Variants in RBM27 observed in about 807,000 individuals in gnomAD.
RBM27 encodes the protein RNA-binding protein 27.
A neutral mutation model predicts 135.3 loss-of-function variants in RBM27; 22 were observed. That is an observed-to-expected ratio of 0.16 (90% CI 0.12 to 0.23). The LOEUF is 0.23. RBM27 is among the 10% of genes least tolerant of loss of function. The probability of loss-of-function intolerance (pLI) is 1.00; values close to 1 mark genes in which losing one functional copy is unlikely to be tolerated. For missense variants in RBM27, 1,009 were observed against 1,281.0 expected (o/e 0.79, Z 3.24); for synonymous variants, 481 against 442.4 (o/e 1.09, Z -1.10).
At chr5:146,276,634 T>C (rs1016721277) in intron 19 of RBM27, among the ~76,000 whole-genome samples, 1 of 152,246 alleles carries the variant, frequency 6.6e-6, no homozygotes, top group Non-Finnish European at 1.5e-5. Flanking sequence ...AATGATACTT[T>C]ATAGTTAGGC....
intron 10 of RBM27, among the ~76,000 whole-genome samples, chr5:146,255,365 T>G (rs1291224786): frequency 6.6e-6 from 1 of 152,222 alleles, no homozygotes; most frequent in African/African-American, 2.4e-5. Context: ...TTAGGCTGTT[T>G]TAGTTTTGTT....
At chr5:146,208,541 A>G (rs1310950112) in intron 1 of RBM27, among the ~76,000 whole-genome samples, 1 of 152,232 alleles carries the variant, frequency 6.6e-6, no homozygotes, top group Non-Finnish European at 1.5e-5. Flanking sequence ...AGCTGCATGA[A>G]TAGACTAGAC....
chr5:146,267,815 A>G, intron 15 of RBM27, 47 bp downstream of exon 15: 1 of 1,577,000 alleles, frequency 6.3e-7, no homozygotes, highest in Non-Finnish European at 8.6e-7. Context: ...AGATGCCTTG[A>G]ATTTTTAAGT....
intron 19 of RBM27, among the ~76,000 whole-genome samples, chr5:146,279,402 G>A (rs958615371): frequency 3.3e-5 from 5 of 151,434 alleles, no homozygotes; most frequent in African/African-American, 4.9e-5. Flanking sequence ...AGCCGAGATC[G>A]CGCCACTGCA....
rs1396872050 is a variant in RBM27, at chr5:146,238,048, T to A, written c.1279+616T>A. On this transcript the variant is annotated intron_variant, in intron 8 of 20. Transcript: ENST00000265271. ...AAGCTTTTTAAAAAAATTGTTTATC[T>A]GATTGATTTTCTAAAGCATAAGATG... is the stretch of plus-strand genomic sequence containing the variant. 2.6e-5 allele frequency among the ~76,000 whole-genome samples: 4 copies of A among 152,302 alleles called. No homozygotes were observed. In the South Asian group the frequency reaches 6.2e-4, roughly 24 times the overall value.
chr5:146,222,302 A>C (rs1404761412), intron 2 of RBM27, among the ~76,000 whole-genome samples: 2 of 152,264 alleles, frequency 1.3e-5, no homozygotes, highest in African/African-American at 2.4e-5. Context: ...TAATCATTGC[A>C]ATGTAAGCAG....
chr5:146,219,087 T>A lies in RBM27; in HGVS notation c.162T>A (p.Asp54Glu), dbSNP rs778047273. ...ELKAFCADQL[D>E]VFLQKETSGF... ...AAGCCTTTTGTGCTGATCAACTTGATGTCTTTTTACAAAAAGGTAATTATT... is the reference window on the plus strand; with the variant it reads ...AAGCCTTTTGTGCTGATCAACTTGAAGTCTTTTTACAAAAAGGTAATTATT... The change falls in exon 2 of 21, where the codon GAT (aspartate) becomes GAA (glutamate). Residue 54 changes from aspartate (D) to glutamate (E), a missense_variant. Physicochemically the swap from Asp to Glu is conservative, Grantham distance 45. This residue lies in a region of RBM27 where 268 missense variants were observed against 326.6 expected (regional missense o/e 0.82). Transcript: ENST00000265271. 7 of 1,605,844 alleles carry A rather than the reference T, an allele frequency of 4.4e-6. No homozygotes were observed. In the Admixed American group the frequency reaches 1.2e-4, roughly 27 times the overall value.
intron 3 of RBM27, among the ~76,000 whole-genome samples, chr5:146,224,255 A>G (rs987892953): frequency 6.6e-6 from 1 of 152,246 alleles, no homozygotes; most frequent in Non-Finnish European, 1.5e-5. Flanking sequence ...GTATATATAT[A>G]TATAGTTTCT....
chr5:146,284,469 C>CT (rs1421710661), intron 19 of RBM27, among the ~76,000 whole-genome samples, 153 bp from the exon 20 acceptor site: 1 of 152,046 alleles, frequency 6.6e-6, no homozygotes, highest in East Asian at 1.9e-4. Flanking sequence ...TTAAAAGGGA[C>CT]TTTATTTTTT....
intron 6 of RBM27, among the ~76,000 whole-genome samples, chr5:146,232,720 C>T (rs575365148): frequency 6.6e-6 from 1 of 152,246 alleles, no homozygotes; most frequent in East Asian, 1.9e-4. Context: ...AAGCGCGTGC[C>T]ACCACGCCCA....
intron 8 of RBM27, among the ~76,000 whole-genome samples, chr5:146,240,318 GTCTGTCTGTCTGTCTA>G (rs1011832055): frequency 6.6e-6 from 1 of 151,768 alleles, no homozygotes; most frequent in African/African-American, 2.4e-5. Flanking sequence ...CTGTCTGTCT[GTCTGTCTGTCTGTCTA>G]TCTGTCTGTC....
intron 8 of RBM27, among the ~76,000 whole-genome samples, chr5:146,238,382 C>G (rs1581178169): frequency 6.6e-6 from 1 of 152,112 alleles, no homozygotes; most frequent in Non-Finnish European, 1.5e-5. Context: ...GTGGAGCATG[C>G]CTGTAGTCCC....
At chr5:146,252,762 T>C (rs934952008) in intron 9 of RBM27, among the ~76,000 whole-genome samples, 1 of 152,202 alleles carries the variant, frequency 6.6e-6, no homozygotes, top group African/African-American at 2.4e-5. Context: ...GCAACTATGT[T>C]AGATTTACTT....
intron 14 of RBM27, among the ~76,000 whole-genome samples, chr5:146,264,390 T>G (rs1758527156): frequency 1.3e-5 from 2 of 151,766 alleles, no homozygotes; most frequent in Non-Finnish European, 2.9e-5. Flanking sequence ...TCCATGTTGG[T>G]CAGGCTGGTC....
intron 1 of RBM27, among the ~76,000 whole-genome samples, chr5:146,213,392 C>T (rs753413447): frequency 5.9e-5 from 9 of 152,138 alleles, no homozygotes; most frequent in Non-Finnish European, 1.2e-4. Context: ...AGCCACCACG[C>T]CCAGCCAAGA....
chr5:146,205,022 C>G (rs555272568), intron 1 of RBM27, among the ~76,000 whole-genome samples: 1 of 152,156 alleles, frequency 6.6e-6, no homozygotes, highest in Non-Finnish European at 1.5e-5. Context: ...CTCAGCCTCC[C>G]GAGTAGCTGG....
chr5:146,260,391 A>G (rs1758343357), intron 11 of RBM27, among the ~76,000 whole-genome samples: 1 of 152,128 alleles, frequency 6.6e-6, no homozygotes. Flanking sequence ...TTAATCAATC[A>G]GTTAATTTAT....
chr5:146,230,992 TTTAG>T (rs1270007048), intron 6 of RBM27, 75 bp downstream of exon 6: 16 of 1,445,188 alleles, frequency 1.1e-5, no homozygotes, highest in East Asian at 2.3e-5. Flanking sequence ...TTGCATATCT[TTTAG>T]TTATAGTCCA....
chr5:146,218,831 A>G (rs1342053804), intron 1 of RBM27, among the ~76,000 whole-genome samples, 154 bp from the exon 2 acceptor site: 1 of 152,248 alleles, frequency 6.6e-6, no homozygotes, highest in Non-Finnish European at 1.5e-5. Context: ...CGCAGTATGT[A>G]TATGTTTATT....
Sources: gnomAD v4.1 joint callset for allele counts (sites outside exome capture counted in the v4.1 genomes callset) on GRCh38, gnomAD v4.1.1 for gene constraint, gnomAD v4.1.1 regional missense constraint, MANE v1.5 for transcripts, NCBI Gene and HGNC (gene_info 2026-07-23, HGNC 2026-07-21) for gene names.